Variants in ABCC6 observed in about 807,000 individuals in gnomAD.
ABCC6 encodes the protein ATP binding cassette subfamily C member 6, also known as ATP-binding cassette sub-family C member 6.
ABCC6 carries 126 observed loss-of-function variants against 169.5 expected under a neutral mutation model. That is an observed-to-expected ratio of 0.74 (90% CI 0.64 to 0.86). The LOEUF (loss-of-function observed/expected upper bound fraction) is 0.86, where lower values mean the gene tolerates loss of function less well. Ranked by LOEUF, ABCC6 falls within the 40% of genes least tolerant of loss-of-function variation. The probability of loss-of-function intolerance (pLI) is 0.00; values close to 1 mark genes in which losing one functional copy is unlikely to be tolerated. For missense variants in ABCC6, 1,733 were observed against 1,927.2 expected, an observed-to-expected ratio of 0.90 and a Z score of 1.89; for synonymous variants, 752 against 814.7, an observed-to-expected ratio of 0.92 and a Z score of 1.31.
chr16:16,196,666 T>C (rs2048048553), intron 10 of ABCC6, among the ~76,000 whole-genome samples: 1 of 152,190 alleles, frequency 6.6e-6, no homozygotes, highest in African/African-American at 2.4e-5. Context: ...GATTTGAGCC[T>C]AGGCAGTTCC....
chr16:16,151,690 A>T (rs548634096), intron 29 of ABCC6, among the ~76,000 whole-genome samples: 1 of 152,292 alleles, frequency 6.6e-6, no homozygotes, highest in African/African-American at 2.4e-5. Context: ...GCTTGTATAT[A>T]TTCACTCAAT....
At position 16,150,081 on chromosome 16, in the gene ABCC6, C is replaced by T; in HGVS notation, c.*52G>A. 1 of 1,607,884 alleles carries T rather than the reference C, an allele frequency of 6.2e-7. No individual in the cohort carries two copies. Among genetic ancestry groups the T allele is most frequent in the Admixed American group, 1.7e-5 (1 of 59,342 alleles). ...GACCACGGGTCACTTCCATCTCCAG[C>T]ACTGCAGGCTGTGCGGGCTGGTCCA... On this transcript the variant is annotated 3_prime_UTR_variant, in exon 31 of 31. Coordinates refer to ENST00000205557, the MANE Select transcript of ABCC6 (RefSeq NM_001171.6).
At chr16:16,167,534 A>G (rs2046915585) in intron 22 of ABCC6, among the ~76,000 whole-genome samples, 1 of 152,120 alleles carries the variant, frequency 6.6e-6, no homozygotes, top group African/African-American at 2.4e-5. Flanking sequence ...CAGTGGTGCA[A>G]TCTCTGCTCA....
rs948974942 is a variant in ABCC6 at position 16,166,171 on chromosome 16, C to T, written c.2996-238G>A. Reference sequence around the variant, plus strand: ...ACTCAAGCGATCCTCCCGCCTCACCCTCCGAGTAGCTGGGACCACAGGTGT... The same window carrying T: ...ACTCAAGCGATCCTCCCGCCTCACCTTCCGAGTAGCTGGGACCACAGGTGT... On this transcript the variant is annotated intron_variant, in intron 22 of 30. Transcript: ENST00000205557. Among the ~76,000 whole-genome samples, 4 of 152,180 alleles carry T rather than the reference C, an allele frequency of 2.6e-5. 1 individual carries two copies. The highest frequency in any genetic ancestry group is 4.4e-5 in the Non-Finnish European group (3 of 68,028).
intron 11 of ABCC6, among the ~76,000 whole-genome samples, chr16:16,191,086 G>T (rs1468308132): frequency 2.9e-3 from 1 of 348 alleles, no homozygotes; most frequent in Admixed American, 0.5. Context: ...ACCATGGGGC[G>T]GGGGGCATCA....
At chr16:16,209,572 G>A (rs2048524227) in intron 6 of ABCC6, among the ~76,000 whole-genome samples, 1 of 151,564 alleles carries the variant, frequency 6.6e-6, no homozygotes, top group South Asian at 2.1e-4. Flanking sequence ...TGTAGAAGAA[G>A]CTTGAACTCC....
intron 9 of ABCC6, 102 bp downstream of exon 9, chr16:16,201,899 G>A (rs2152282217): frequency 2.3e-6 from 3 of 1,303,562 alleles, no homozygotes; most frequent in African/African-American, 1.5e-5. Flanking sequence ...ACTCTAATAA[G>A]CAAGGACTGA....
At chr16:16,176,119 C>T in intron 19 of ABCC6, 133 bp from the exon 20 acceptor site, 1 of 790,672 alleles carries the variant, frequency 1.3e-6, no homozygotes, top group Non-Finnish European at 2.2e-6. Context: ...CCAGCAACCT[C>T]TCTCAACACC....
chr16:16,178,735 C>A (rs1337539932), intron 18 of ABCC6, 63 bp downstream of exon 18: 8 of 1,597,510 alleles, frequency 5.0e-6, no homozygotes, highest in Non-Finnish European at 6.9e-6. Flanking sequence ...TGGGTTAGGA[C>A]TGGATGCTAA....
At position 16,150,257 on chromosome 16, in the gene ABCC6, A is replaced by C. The variant is rs779963223; in HGVS notation, c.4404-16T>G. The C allele has an allele frequency of 6.2e-7, 1 of 1,613,770 alleles. No individual in the cohort carries two copies. The highest frequency in any genetic ancestry group is 2.2e-5 in the East Asian group (1 of 44,882). On this transcript the variant is annotated splice_polypyrimidine_tract_variant and intron_variant, in intron 30 of 30. Coordinates refer to ENST00000205557, the MANE Select transcript of ABCC6 (RefSeq NM_001171.6). ...GACCAGAACCCTGTGGGGGAGAGGGAGACAGAGAGGCTCTTTGGACACCAG... is the reference window on the plus strand; with the variant it reads ...GACCAGAACCCTGTGGGGGAGAGGGCGACAGAGAGGCTCTTTGGACACCAG...
intron 13 of ABCC6, among the ~76,000 whole-genome samples, chr16:16,187,870 C>A (rs2047698832): frequency 6.6e-6 from 1 of 151,632 alleles, no homozygotes; most frequent in Non-Finnish European, 1.5e-5. Flanking sequence ...GCACTCCAGC[C>A]TGGGTGACAG....
rs150926341 is a variant in ABCC6, at chr16:16,192,982, G to A, written c.1339-60C>T. ...CGAGGAGCCCAGCTCTCAGAGGCAC[G>A]TGAACCAGAGCAACTCCATCTTGAA... On this transcript the variant is annotated intron_variant, in intron 10 of 30. Transcript: ENST00000205557. The A allele has an allele frequency of 3.9e-4, 550 of 1,420,892 alleles. No individual in the cohort carries two copies. In the African/African-American group the frequency reaches 7.2e-3, roughly 19 times the overall value. 88.0% of individuals were successfully genotyped at this position (1,420,892 alleles called of 1,614,324 possible). A position where few individuals can be genotyped will look rare whatever the true frequency, so the allele number is the denominator to read the frequency against.
chr16:16,150,554 G>A, intron 30 of ABCC6, 24 bp downstream of exon 30: 1 of 1,601,994 alleles, frequency 6.2e-7, no homozygotes, highest in Non-Finnish European at 8.5e-7. Context: ...CTGCTGTGAG[G>A]TCAGGCCGGG....
intron 11 of ABCC6, among the ~76,000 whole-genome samples, chr16:16,190,916 GGGTGGGGGCTGGGGGGTAGGGGGGT>G (rs2047829413): frequency 8.2e-6 from 1 of 121,494 alleles, no homozygotes; most frequent in Non-Finnish European, 1.7e-5. Flanking sequence ...TGGGGGTGGG[GGGTGGGGGCTGGGGGGTAGGGGGGT>G]GGCGGGGGCA....
In ABCC6 at chr16:16,198,018, T is replaced by C. The variant is rs2152278183; in HGVS notation, c.1338+3A>G. 1 of 1,613,816 alleles carries C rather than the reference T, an allele frequency of 6.2e-7. No individual in the cohort carries two copies. Among genetic ancestry groups the C allele is most frequent in the Middle Eastern group, 1.6e-4 (1 of 6,062 alleles). ...CAAATCCCGTCTTCCTCCTCTGGCA[T>C]ACCTGCCAGAGATAGACGAAGCAGA... On this transcript the variant is annotated splice_donor_region_variant and intron_variant, in intron 10 of 30. Transcript: ENST00000205557.
At chr16:16,215,676 G>A (rs1015934028) in intron 4 of ABCC6, among the ~76,000 whole-genome samples, 1 of 151,724 alleles carries the variant, frequency 6.6e-6, no homozygotes, top group Admixed American at 6.6e-5. Context: ...GTTTTACCAT[G>A]TAGGCCAGGC....
chr16:16,154,543 G>A (rs940105585), intron 29 of ABCC6, 85 bp downstream of exon 29: 2 of 1,532,332 alleles, frequency 1.3e-6, no homozygotes, highest in African/African-American at 2.7e-5. Flanking sequence ...TATCGGGGGA[G>A]GCATTTCCTG....
Position 16,198,039 on chromosome 16 carries a change from G to A in ABCC6, c.1320C>T (p.Cys440=), listed in dbSNP as rs375433102. ...LWLPLVWIVV[C]FVYLWQLLGP... Reference sequence around the variant, plus strand: ...GGCATACCTGCCAGAGATAGACGAAGCAGACCACGATCCAGACGAGAGGCA... The same window carrying A: ...GGCATACCTGCCAGAGATAGACGAAACAGACCACGATCCAGACGAGAGGCA... The change falls in exon 10 of 31, where the codon TGC becomes TGT. Residue 440 remains cysteine (C), a synonymous_variant. Transcript: ENST00000205557. The A allele has an allele frequency of 6.2e-7, 1 of 1,614,194 alleles. No homozygotes were observed. The highest frequency in any genetic ancestry group is 8.5e-7 in the Non-Finnish European group (1 of 1,180,034).
intron 21 of ABCC6, among the ~76,000 whole-genome samples, chr16:16,170,940 AAG>A (rs1491066360): frequency 0.09 from 7,649 of 85,446 alleles, 662 homozygotes; most frequent in African/African-American, 0.11. Flanking sequence ...AAAAAAAAAA[AAG>A]AAAGAAAGAA....
Sources: allele counts gnomAD v4.1 joint callset (sites outside exome capture counted in the v4.1 genomes callset), GRCh38; gene constraint gnomAD v4.1.1; transcripts MANE v1.5; gene names NCBI Gene and HGNC (gene_info 2026-07-23, HGNC 2026-07-21).